KIAA1328: variants seen among roughly 807,000 people sequenced by gnomAD.
KIAA1328 encodes protein hinderin.
Under a neutral mutation model 68.1 loss-of-function variants are expected in KIAA1328, and 52 were observed. That is an observed-to-expected ratio of 0.76 (90% CI 0.61 to 0.96). The LOEUF is 0.96. KIAA1328 is among the 40% of genes least tolerant of loss of function. The pLI is 0.00. For missense variants in KIAA1328, 641 were observed against 677.6 expected, an observed-to-expected ratio of 0.95 and a Z score of 0.60; for synonymous variants, 232 against 239.4, an observed-to-expected ratio of 0.97 and a Z score of 0.28.
At chr18:37,134,083 G>A (rs72894330) in intron 7 of KIAA1328, among the ~76,000 whole-genome samples, 2 of 150,606 alleles carry the variant, frequency 1.3e-5, no homozygotes, top group Admixed American at 6.6e-5. Flanking sequence ...GCATGATCTC[G>A]GCTCTCTGCA....
chr18:37,091,177 T>C (rs2057256902), intron 7 of KIAA1328, among the ~76,000 whole-genome samples: 1 of 152,146 alleles, frequency 6.6e-6, no homozygotes, highest in South Asian at 2.1e-4. Flanking sequence ...CAGAACTCAC[T>C]TCCTCTACAA....
chr18:36,863,379 G>A (rs993273313), intron 4 of KIAA1328, among the ~76,000 whole-genome samples: 9 of 151,852 alleles, frequency 5.9e-5, no homozygotes, highest in Non-Finnish European at 8.8e-5. Flanking sequence ...CTGTTCCACT[G>A]GCCTATGTGT....
At chr18:37,209,413 C>T (rs1296720406) in intron 9 of KIAA1328, among the ~76,000 whole-genome samples, 1 of 152,056 alleles carries the variant, frequency 6.6e-6, no homozygotes. Flanking sequence ...ACGACCCTAC[C>T]CTTATGGAGC....
chr18:37,118,256 A>C (rs2058176031), intron 7 of KIAA1328, among the ~76,000 whole-genome samples: 1 of 152,018 alleles, frequency 6.6e-6, no homozygotes, highest in Non-Finnish European at 1.5e-5. Context: ...CAGCCTCCCA[A>C]AGTGCTAGGC....
intron 5 of KIAA1328, among the ~76,000 whole-genome samples, chr18:36,893,763 G>C (rs1257251073): frequency 6.6e-6 from 1 of 152,006 alleles, no homozygotes; most frequent in Non-Finnish European, 1.5e-5. Context: ...GACTATAGAA[G>C]TTGACAGAGG....
At chr18:37,133,060 C>T (rs911665372) in intron 7 of KIAA1328, among the ~76,000 whole-genome samples, 13 of 152,092 alleles carry the variant, frequency 8.5e-5, no homozygotes, top group African/African-American at 2.2e-4. Context: ...GGTGGCCAGG[C>T]GCGATGACTC....
chr18:37,032,925 G>A (rs1053789172), intron 6 of KIAA1328, among the ~76,000 whole-genome samples: 18 of 152,266 alleles, frequency 1.2e-4, no homozygotes, highest in Non-Finnish European at 2.2e-4. Flanking sequence ...ACAGGCATGA[G>A]CCACCATGCC....
intron 6 of KIAA1328, among the ~76,000 whole-genome samples, chr18:37,028,817 C>T (rs987487812): frequency 6.6e-6 from 1 of 151,980 alleles, no homozygotes; most frequent in African/African-American, 2.4e-5. Context: ...TGTGATGAAT[C>T]GTATGTATTA....
chr18:37,126,458 T>C (rs181771970), intron 7 of KIAA1328, among the ~76,000 whole-genome samples: 1 of 152,272 alleles, frequency 6.6e-6, no homozygotes, highest in East Asian at 1.9e-4. Flanking sequence ...ATTCATAGTT[T>C]TAAAAAACCT....
At chr18:37,045,095 G>C (rs1291343544) in intron 6 of KIAA1328, among the ~76,000 whole-genome samples, 1 of 152,130 alleles carries the variant, frequency 6.6e-6, no homozygotes, top group African/African-American at 2.4e-5. Context: ...ATCTCAGTAA[G>C]AATTCTTTTC....
chr18:37,222,170 C>T lies in KIAA1328; in HGVS notation c.1677C>T (p.His559=). 1 of 1,603,558 alleles carries T rather than the reference C, an allele frequency of 6.2e-7. No individual in the cohort carries two copies. The highest frequency in any genetic ancestry group is 8.5e-7 in the Non-Finnish European group (1 of 1,174,592). ...CAACCCGGAAGAAGATGGGGATGCA[C>T]AGAACCCCTGAAGAGTTGGAGGAGA... is the stretch of plus-strand genomic sequence containing the variant. ...LKSTRKKMGM[H]RTPEELEENQ... The change falls in exon 10 of 10, where the codon CAC becomes CAT. Residue 559 remains histidine, a synonymous_variant. Coordinates refer to ENST00000280020, the MANE Select transcript of KIAA1328 (RefSeq NM_020776.3).
rs1432082240 is a variant in KIAA1328, at chr18:37,077,163, T to G, written c.1232+9618T>G. 2.0e-5 allele frequency among the ~76,000 whole-genome samples: 3 copies of G among 149,082 alleles called. No individual in the cohort carries two copies. The East Asian group carries it at 5.8e-4, about 29-fold the overall frequency. On this transcript the variant is annotated intron_variant, in intron 7 of 9. Coordinates refer to ENST00000280020, the MANE Select transcript of KIAA1328 (RefSeq NM_020776.3). Reference sequence around the variant, plus strand: ...GATCAAGTGGGCTTCATCCCTGGGATGCAAGGCTGGTTCAATATACGTAAA... The same window carrying G: ...GATCAAGTGGGCTTCATCCCTGGGAGGCAAGGCTGGTTCAATATACGTAAA...
At chr18:36,965,741 A>G (rs1395166429) in intron 6 of KIAA1328, among the ~76,000 whole-genome samples, 2 of 151,076 alleles carry the variant, frequency 1.3e-5, no homozygotes, top group Non-Finnish European at 2.9e-5. Flanking sequence ...GACTACTTTC[A>G]TATATTCTTT....
chr18:36,906,718 T>C (rs1019583232), intron 5 of KIAA1328, among the ~76,000 whole-genome samples: 1 of 151,554 alleles, frequency 6.6e-6, no homozygotes, highest in Non-Finnish European at 1.5e-5. Context: ...CTTGGTTGCT[T>C]TTGGCTTTTG....
downstream of KIAA1328, among the ~76,000 whole-genome samples, chr18:37,227,633 C>T (rs944017206): frequency 4.6e-5 from 7 of 152,184 alleles, no homozygotes; most frequent in Non-Finnish European, 7.3e-5. Context: ...ATTTTAAGCA[C>T]ACTGTTGAGG....
chr18:36,849,572 GAGTAAC>G (rs1322525992), intron 4 of KIAA1328, among the ~76,000 whole-genome samples: 1 of 151,984 alleles, frequency 6.6e-6, no homozygotes, highest in Non-Finnish European at 1.5e-5. Context: ...AAGGTTGGCT[GAGTAAC>G]AGTTCATTGT....
At chr18:37,138,974 T>G (rs1418547498) in intron 7 of KIAA1328, among the ~76,000 whole-genome samples, 1 of 109,848 alleles carries the variant, frequency 9.1e-6, no homozygotes, top group Non-Finnish European at 2.0e-5. Context: ...TTTTTTTTTT[T>G]GAGACGAAGT....
chr18:36,957,309 A>G, intron 5 of KIAA1328, among the ~76,000 whole-genome samples: 1 of 152,184 alleles, frequency 6.6e-6, no homozygotes, highest in East Asian at 1.9e-4. Context: ...ATTGGATAGT[A>G]ATTTTTATAC....
chr18:36,908,603 G>A (rs537438399), intron 5 of KIAA1328, among the ~76,000 whole-genome samples: 11 of 152,226 alleles, frequency 7.2e-5, no homozygotes, highest in African/African-American at 1.4e-4. Context: ...GCCTCTCAAC[G>A]TGCTGGGATT....
Sources: allele counts gnomAD v4.1 joint callset (sites outside exome capture counted in the v4.1 genomes callset), GRCh38; gene constraint gnomAD v4.1.1; transcripts MANE v1.5; gene names NCBI Gene and HGNC (gene_info 2026-07-23, HGNC 2026-07-21).